The following PDE1A variants were observed in gnomAD, a reference collection of about 807,000 sequenced individuals.
The protein encoded by PDE1A is dual specificity calcium/calmodulin-dependent 3',5'-cyclic nucleotide phosphodiesterase 1A.
Under a neutral mutation model 61.7 loss-of-function variants are expected in PDE1A, and 35 were observed. The observed-to-expected ratio is 0.57, with a 90% CI of 0.43 to 0.75. The LOEUF (loss-of-function observed/expected upper bound fraction) is 0.75, where lower values mean the gene tolerates loss of function less well. Among genes scored for constraint, PDE1A ranks in the 30% least tolerant of loss-of-function variants. The probability of loss-of-function intolerance (pLI) is 0.00; values close to 1 mark genes in which losing one functional copy is unlikely to be tolerated. For synonymous variants in PDE1A, 232 were observed against 213.2 expected, an observed-to-expected ratio of 1.09 and a Z score of -0.77; for missense variants, 597 against 630.6, an observed-to-expected ratio of 0.95 and a Z score of 0.57.
the PDE1A span, among the ~76,000 whole-genome samples, chr2:182,624,137 A>T: frequency 1.3e-5 from 2 of 151,812 alleles, no homozygotes; most frequent in African/African-American, 2.4e-5. Flanking sequence ...AAAAAAAAAA[A>T]AAAAAGAAGA....
At chr2:182,458,585 G>C (rs1332655058) in intron 2 of PDE1A, among the ~76,000 whole-genome samples, 1 of 151,974 alleles carries the variant, frequency 6.6e-6, no homozygotes, top group African/African-American at 2.4e-5. Flanking sequence ...AAATAAAGAG[G>C]GTTCATTTGA....
At chr2:182,425,045 C>T (rs1471817906) in intron 1 of PDE1A, among the ~76,000 whole-genome samples, 1 of 152,188 alleles carries the variant, frequency 6.6e-6, no homozygotes, top group African/African-American at 2.4e-5. Context: ...CCACCTTCCC[C>T]ATAGCACCTA....
the PDE1A span, among the ~76,000 whole-genome samples, chr2:182,655,829 G>A: frequency 6.6e-6 from 1 of 152,180 alleles, no homozygotes; most frequent in Non-Finnish European, 1.5e-5. Flanking sequence ...TCTGAGCCCT[G>A]AATCTAATTT....
At chr2:182,408,464 T>A (rs989917967) in intron 1 of PDE1A, among the ~76,000 whole-genome samples, 1 of 152,156 alleles carries the variant, frequency 6.6e-6, no homozygotes, top group Non-Finnish European at 1.5e-5. Flanking sequence ...CCTTCACATA[T>A]CAAGTGCTTA....
At chr2:182,214,358 A>G (rs1190878917) in intron 7 of PDE1A, among the ~76,000 whole-genome samples, 1 of 152,022 alleles carries the variant, frequency 6.6e-6, no homozygotes, top group African/African-American at 2.4e-5. Flanking sequence ...TGCATCAACT[A>G]ACGAGCAAAA....
At chr2:182,660,818 T>A in the PDE1A span, among the ~76,000 whole-genome samples, 1 of 152,214 alleles carries the variant, frequency 6.6e-6, no homozygotes, top group Non-Finnish European at 1.5e-5. Context: ...ACAGCGAAGC[T>A]GGCACTGGGA....
At chr2:182,474,089 A>T (rs1687208076) in intron 2 of PDE1A, among the ~76,000 whole-genome samples, 1 of 152,044 alleles carries the variant, frequency 6.6e-6, no homozygotes, top group African/African-American at 2.4e-5. Context: ...GGTTGAATTA[A>T]TTTACAATCC....
At chr2:182,279,031 C>T (rs1693628781) in intron 1 of PDE1A, among the ~76,000 whole-genome samples, 1 of 151,848 alleles carries the variant, frequency 6.6e-6, no homozygotes, top group Non-Finnish European at 1.5e-5. Context: ...TTCTTAGAGA[C>T]TCTTATAAAT....
the PDE1A span, among the ~76,000 whole-genome samples, chr2:182,689,197 C>T: frequency 1.3e-5 from 2 of 152,232 alleles, no homozygotes. Flanking sequence ...ATCTACAAAA[C>T]TGTCAAACCC....
chr2:182,468,470 G>A lies in PDE1A; in HGVS notation c.101+53806C>T, dbSNP rs1163033073. Among the ~76,000 whole-genome samples the A allele has an allele frequency of 2.0e-5, 3 of 151,900 alleles. No homozygotes were observed. In the Admixed American group the frequency reaches 2.0e-4, roughly 10 times the overall value. On this transcript the variant is annotated intron_variant, in intron 2 of 14. Coordinates refer to the PDE1A transcript ENST00000410103. Reference sequence around the variant, plus strand: ...TGAAGTAATTTGGCCACATCTTCAGGCTCTATTTTTAATTCTAGTTCTCTT... The same window carrying A: ...TGAAGTAATTTGGCCACATCTTCAGACTCTATTTTTAATTCTAGTTCTCTT...
At chr2:182,703,934 C>T in the PDE1A span, among the ~76,000 whole-genome samples, 1 of 152,080 alleles carries the variant, frequency 6.6e-6, no homozygotes, top group South Asian at 2.1e-4. Flanking sequence ...GGCGTGATGG[C>T]TCACACCTGT....
the PDE1A span, among the ~76,000 whole-genome samples, chr2:182,543,345 C>A: frequency 6.6e-6 from 1 of 152,118 alleles, no homozygotes; most frequent in South Asian, 2.1e-4. Context: ...TAAGACAAAA[C>A]CCTAATGTAC....
At chr2:182,712,457 C>T in the PDE1A span, among the ~76,000 whole-genome samples, 1 of 152,178 alleles carries the variant, frequency 6.6e-6, no homozygotes, top group Non-Finnish European at 1.5e-5. Flanking sequence ...TTTTGGGAGA[C>T]AACGGGACAA....
At chr2:182,666,302 G>T in the PDE1A span, among the ~76,000 whole-genome samples, 2 of 152,100 alleles carry the variant, frequency 1.3e-5, no homozygotes, top group African/African-American at 4.8e-5. Flanking sequence ...ACGAATTAAA[G>T]ATTACTACAT....
intron 1 of PDE1A, among the ~76,000 whole-genome samples, chr2:182,366,750 C>T (rs1414701751): frequency 2.6e-5 from 4 of 151,926 alleles, no homozygotes; most frequent in East Asian, 3.9e-4. Context: ...TATGGTATCC[C>T]GCTTCTATTT....
intron 13 of PDE1A, among the ~76,000 whole-genome samples, chr2:182,175,368 T>C (rs2125342518): frequency 1.3e-5 from 2 of 152,256 alleles, no homozygotes; most frequent in Middle Eastern, 3.4e-3. Flanking sequence ...TTTTTAATGA[T>C]TGCCATTCTA....
At chr2:182,248,619 C>T (rs186090175) in intron 2 of PDE1A, among the ~76,000 whole-genome samples, 6 of 152,220 alleles carry the variant, frequency 3.9e-5, no homozygotes, top group East Asian at 1.9e-4. Flanking sequence ...AAGAAGGAGG[C>T]GGCCACGGAA....
At chr2:182,397,437 A>C (rs530268502) in intron 1 of PDE1A, among the ~76,000 whole-genome samples, 1 of 152,266 alleles carries the variant, frequency 6.6e-6, no homozygotes, top group South Asian at 2.1e-4. Context: ...TACAATGTGG[A>C]AAAAAATGTG....
chr2:182,443,545 T>G (rs760328364), intron 2 of PDE1A, among the ~76,000 whole-genome samples: 48 of 151,976 alleles, frequency 3.2e-4, no homozygotes, highest in Admixed American at 1.0e-3. Flanking sequence ...CACTTCCTCC[T>G]TTGCTCTGTC....
Sources: allele counts gnomAD v4.1 joint callset (sites outside exome capture counted in the v4.1 genomes callset), GRCh38; gene constraint gnomAD v4.1.1; transcripts MANE v1.5; gene names NCBI Gene and HGNC (gene_info 2026-07-23, HGNC 2026-07-21).